The following COPZ1 variants were observed in gnomAD, a reference collection of about 807,000 sequenced individuals.
The protein encoded by COPZ1 is coatomer subunit zeta-1.
Under a neutral mutation model 31.7 loss-of-function variants are expected in COPZ1, and 4 were observed. The ratio of observed to expected loss-of-function variants is 0.13; its 90% CI spans 0.06 to 0.29. COPZ1 has a LOEUF of 0.29. Among genes scored for constraint, COPZ1 ranks in the 10% least tolerant of loss-of-function variants. The probability of loss-of-function intolerance (pLI) is 1.00; values close to 1 mark genes in which losing one functional copy is unlikely to be tolerated. For missense variants in COPZ1, 156 were observed against 211.5 expected (o/e 0.74, Z 1.63); for synonymous variants, 74 against 79.0 (o/e 0.94, Z 0.33).
intron 2 of COPZ1, among the ~76,000 whole-genome samples, chr12:54,341,054 C>T (rs1204637223): frequency 1.3e-5 from 2 of 152,136 alleles, no homozygotes; most frequent in Admixed American, 6.5e-5. Flanking sequence ...TCTTTTGTCC[C>T]TTAGTTGTAC....
At chr12:54,345,591 A>T (rs1954047898) in intron 5 of COPZ1, 76 bp downstream of exon 5, 1 of 1,181,278 alleles carries the variant, frequency 8.5e-7, no homozygotes, top group African/African-American at 1.5e-5. Flanking sequence ...TTTTTGGGAG[A>T]TAAAGTAACC....
chr12:54,331,765 G>A (rs1228572274), intron 1 of COPZ1, among the ~76,000 whole-genome samples: 1 of 152,070 alleles, frequency 6.6e-6, no homozygotes, highest in East Asian at 1.9e-4. Flanking sequence ...TACAAATCGT[G>A]ACCCAGGACT....
intron 2 of COPZ1, 56 bp from the exon 3 acceptor site, chr12:54,342,150 A>T: frequency 1.2e-5 from 15 of 1,255,584 alleles, no homozygotes; most frequent in Non-Finnish European, 1.6e-5. Context: ...ATAGTCACTA[A>T]TCATTCTGGC....
chr12:54,350,063 C>T (rs1259611415), intron 8 of COPZ1: 1 of 600,902 alleles, frequency 1.7e-6, no homozygotes, highest in Non-Finnish European at 3.0e-6. Flanking sequence ...TTTTGCAGAT[C>T]CATCTTGCTA....
intron 1 of COPZ1, among the ~76,000 whole-genome samples, chr12:54,327,610 A>G (rs891834368): frequency 2.6e-5 from 4 of 152,096 alleles, no homozygotes; most frequent in Non-Finnish European, 4.4e-5. Flanking sequence ...AGTATTCTTA[A>G]TCAAGAGGTT....
At chr12:54,326,226 G>A (rs1953637444) in intron 1 of COPZ1, among the ~76,000 whole-genome samples, 1 of 148,836 alleles carries the variant, frequency 6.7e-6, no homozygotes, top group Non-Finnish European at 1.5e-5. Flanking sequence ...TGCAAGCTCC[G>A]CCTCCCGGGT....
Position 54,340,529 on chromosome 12 carries a change from A to G in COPZ1, c.19-18A>G, listed in dbSNP as rs267603541. 1.9e-6 allele frequency: 3 copies of G among 1,613,846 alleles called. No homozygotes were observed. The South Asian group carries it at 3.3e-5, about 18-fold the overall frequency. ...GATGGGAGGCTTCAGGACTGAAGGT[A>G]TGTTCGTATCTCTTCAGGAACCTTC... On this transcript the variant is annotated intron_variant, in intron 1 of 8. Coordinates refer to ENST00000262061, the MANE Select transcript of COPZ1 (RefSeq NM_016057.3).
intron 2 of COPZ1, among the ~76,000 whole-genome samples, chr12:54,341,605 T>C (rs549389942): frequency 7.2e-5 from 11 of 152,304 alleles, no homozygotes; most frequent in African/African-American, 2.4e-4. Context: ...GATTAGCCCC[T>C]AAAGAGCTAG....
intron 1 of COPZ1, among the ~76,000 whole-genome samples, chr12:54,327,681 T>C (rs974998327): frequency 6.6e-6 from 1 of 151,902 alleles, no homozygotes; most frequent in Non-Finnish European, 1.5e-5. Flanking sequence ...GGAGGATCGC[T>C]TGAGCCTGGG....
chr12:54,343,371 C>T, intron 4 of COPZ1, 55 bp downstream of exon 4: 1 of 1,431,170 alleles, frequency 7.0e-7, no homozygotes, highest in Non-Finnish European at 9.9e-7. Context: ...AAACCACAGG[C>T]AGTACATAGC....
At position 54,350,850 on chromosome 12, in the gene COPZ1, A is replaced by G; in HGVS notation, c.*327A>G. 3 of 364,572 alleles carry G rather than the reference A, an allele frequency of 8.2e-6. No individual in the cohort carries two copies. Among genetic ancestry groups the G allele is most frequent in the Non-Finnish European group, 1.5e-5 (3 of 193,780 alleles). The allele number at this position is 364,572 out of a possible 1,614,324, so 22.6% of individuals were successfully genotyped here. On this transcript the variant is annotated 3_prime_UTR_variant, in exon 9 of 9. Transcript: ENST00000262061. ...AAATTCTGTGCCCTTTGCTGTAGCT[A>G]CACTTCAGATTAAAGTAGGAGAAAG...
chr12:54,338,411 A>G (rs942855543), intron 1 of COPZ1, among the ~76,000 whole-genome samples: 3 of 152,102 alleles, frequency 2.0e-5, no homozygotes, highest in Non-Finnish European at 4.4e-5. Context: ...TTTTAAGACT[A>G]GACTCTAGAG....
At chr12:54,328,711 C>G (rs904952259) in intron 1 of COPZ1, among the ~76,000 whole-genome samples, 1 of 152,216 alleles carries the variant, frequency 6.6e-6, no homozygotes, top group African/African-American at 2.4e-5. Flanking sequence ...ATTCACAGAT[C>G]CCTGCTAACT....
intron 4 of COPZ1, among the ~76,000 whole-genome samples, chr12:54,345,244 C>T (rs1475484325): frequency 1.3e-5 from 2 of 152,168 alleles, no homozygotes; most frequent in Non-Finnish European, 2.9e-5. Flanking sequence ...AAACTTTTGG[C>T]TAAAAGATGT....
intron 1 of COPZ1, among the ~76,000 whole-genome samples, chr12:54,328,949 C>T (rs1396124709): frequency 1.3e-5 from 2 of 152,206 alleles, no homozygotes; most frequent in Non-Finnish European, 2.9e-5. Context: ...TTCTAAATAA[C>T]AGTAAGTTCC....
chr12:54,347,935 G>C (rs1954092480), intron 6 of COPZ1, 65 bp from the exon 7 acceptor site: 3 of 1,605,202 alleles, frequency 1.9e-6, no homozygotes, highest in Admixed American at 1.7e-5. Context: ...CAGAGGTCCT[G>C]TTCCCCGACA....
At chr12:54,337,905 A>G (rs949421312) in intron 1 of COPZ1, among the ~76,000 whole-genome samples, 1 of 152,158 alleles carries the variant, frequency 6.6e-6, no homozygotes, top group African/African-American at 2.4e-5. Context: ...TTTCTTTGAT[A>G]ATGTCTTCTA....
At chr12:54,329,322 G>A (rs930934916) in intron 1 of COPZ1, among the ~76,000 whole-genome samples, 4 of 151,954 alleles carry the variant, frequency 2.6e-5, no homozygotes, top group African/African-American at 9.7e-5. Flanking sequence ...TACTCGGGCC[G>A]GGCTCGGTGG....
rs1954115921 is a variant in COPZ1, at chr12:54,349,669, C to T, written c.486+11C>T. The T allele has an allele frequency of 1.9e-6, 3 of 1,605,570 alleles. No individual in the cohort carries two copies. The highest frequency in any genetic ancestry group is 2.6e-6 in the Non-Finnish European group (3 of 1,172,194). On this transcript the variant is annotated intron_variant, in intron 8 of 8. Coordinates refer to ENST00000262061, the MANE Select transcript of COPZ1 (RefSeq NM_016057.3). Reference sequence around the variant, plus strand: ...CAGACCGTGTCTCAGGTATGACTCTCCCTTCTTCCTTTCCAGATGGACTGG... The same window carrying T: ...CAGACCGTGTCTCAGGTATGACTCTTCCTTCTTCCTTTCCAGATGGACTGG...
Sources: allele counts gnomAD v4.1 joint callset (sites outside exome capture counted in the v4.1 genomes callset), GRCh38; gene constraint gnomAD v4.1.1; transcripts MANE v1.5; gene names NCBI Gene and HGNC (gene_info 2026-07-23, HGNC 2026-07-21).